The following RABL3 variants were observed in gnomAD, a reference collection of about 807,000 sequenced individuals.
RABL3 encodes rab-like protein 3.
RABL3 carries 31 observed loss-of-function variants against 31.8 expected under a neutral mutation model. The ratio of observed to expected loss-of-function variants is 0.97; its 90% CI spans 0.73 to 1.31. RABL3 has a LOEUF of 1.31. RABL3 is among the 40% of genes most tolerant of loss of function. The probability of loss-of-function intolerance (pLI) is 0.00; values close to 1 mark genes in which losing one functional copy is unlikely to be tolerated. For missense variants in RABL3, 263 were observed against 279.6 expected, an observed-to-expected ratio of 0.94 and a Z score of 0.42; for synonymous variants, 97 against 99.9, an observed-to-expected ratio of 0.97 and a Z score of 0.18.
chr3:120,719,142 A>G (rs1457620553), intron 2 of RABL3, among the ~76,000 whole-genome samples: 1 of 152,244 alleles, frequency 6.6e-6, no homozygotes, highest in Non-Finnish European at 1.5e-5. Flanking sequence ...GCACCCAACA[A>G]TTACAAAATA....
At chr3:120,689,946 T>A (rs1471503354) in intron 7 of RABL3, 58 bp from the exon 8 acceptor site, 3 of 1,357,668 alleles carry the variant, frequency 2.2e-6, no homozygotes, top group Admixed American at 1.8e-5. Context: ...CAAATACTAA[T>A]AGTAATTTTT....
intron 6 of RABL3, among the ~76,000 whole-genome samples, chr3:120,691,768 C>T (rs1336245198): frequency 6.6e-6 from 1 of 152,152 alleles, no homozygotes; most frequent in Non-Finnish European, 1.5e-5. Context: ...AACTCTAAGA[C>T]ATTCAAATCT....
At chr3:120,737,045 G>T (rs1293150403) in intron 1 of RABL3, among the ~76,000 whole-genome samples, 1 of 152,182 alleles carries the variant, frequency 6.6e-6, no homozygotes, top group Admixed American at 6.5e-5. Context: ...GGCGTTCTCT[G>T]TATTTCCTGA....
intron 2 of RABL3, among the ~76,000 whole-genome samples, chr3:120,719,912 T>G (rs1012775630): frequency 1.4e-4 from 21 of 152,064 alleles, no homozygotes; most frequent in Admixed American, 1.4e-3. Context: ...GACCCCCGAG[T>G]AGCCTAACTG....
rs1708344926 is a variant in RABL3, at chr3:120,688,791, T to C, written c.*1032A>G. 6.6e-6 allele frequency: 1 copy of C among 151,826 alleles called. No homozygotes were observed. The highest frequency in any genetic ancestry group is 6.6e-5 in the Admixed American group (1 of 15,236). 9.4% of individuals were successfully genotyped at this position (151,826 alleles called of 1,614,324 possible). ...GTTAAAAAAAGTAATGATGAACAATTACGGACACACACACACACACACACC... is the reference window on the plus strand; with the variant it reads ...GTTAAAAAAAGTAATGATGAACAATCACGGACACACACACACACACACACC... On this transcript the variant is annotated 3_prime_UTR_variant, in exon 8 of 8. Coordinates refer to ENST00000273375, the MANE Select transcript of RABL3 (RefSeq NM_173825.5).
chr3:120,725,956 T>G (rs1708814672), intron 2 of RABL3, among the ~76,000 whole-genome samples: 1 of 151,866 alleles, frequency 6.6e-6, no homozygotes, highest in African/African-American at 2.4e-5. Context: ...ATAAAAAAAT[T>G]AAAGAAAAAA....
intron 2 of RABL3, among the ~76,000 whole-genome samples, chr3:120,714,997 AG>A (rs1448293510): frequency 6.6e-6 from 1 of 152,184 alleles, no homozygotes; most frequent in African/African-American, 2.4e-5. Context: ...TTTCATTTCC[AG>A]GACAGCTCCA....
At chr3:120,739,152 G>T (rs1316194204) in intron 1 of RABL3, among the ~76,000 whole-genome samples, 2 of 152,200 alleles carry the variant, frequency 1.3e-5, no homozygotes, top group African/African-American at 2.4e-5. Context: ...GCTGAGGCAG[G>T]CAGATCACGA....
In RABL3 at chr3:120,716,629, A is replaced by T. The variant is rs528178564; in HGVS notation, c.139-6720T>A. Among the ~76,000 whole-genome samples, 116 of 145,762 alleles carry T rather than the reference A, an allele frequency of 8.0e-4. 1 individual carries two copies. Among genetic ancestry groups the T allele is most frequent in the African/African-American group, 3.1e-3 (112 of 36,364 alleles). The stretch of plus-strand genomic sequence containing the variant: ...TTAAAGTATAATAATAATAAAATTA[A>T]AAAAAAAAGAAAAAAAAAGAGGCAA... On this transcript the variant is annotated intron_variant, in intron 2 of 7. Transcript: ENST00000273375.
chr3:120,740,204 C>T (rs984413292), intron 1 of RABL3, among the ~76,000 whole-genome samples: 2 of 152,128 alleles, frequency 1.3e-5, no homozygotes, highest in African/African-American at 4.8e-5. Context: ...GGGTTCCTTA[C>T]CAAATTACCA....
intron 1 of RABL3, among the ~76,000 whole-genome samples, chr3:120,739,100 C>G (rs1280108857): frequency 6.6e-6 from 1 of 152,178 alleles, no homozygotes; most frequent in Non-Finnish European, 1.5e-5. Flanking sequence ...ACATCTTGGC[C>G]AGGTGCGTTG....
chr3:120,704,392 C>A (rs1045670827), intron 4 of RABL3, among the ~76,000 whole-genome samples: 1 of 152,122 alleles, frequency 6.6e-6, no homozygotes, highest in Non-Finnish European at 1.5e-5. Context: ...ACAAAACTAT[C>A]AGCAAATTAG....
At chr3:120,738,887 A>G (rs1212240270) in intron 1 of RABL3, among the ~76,000 whole-genome samples, 1 of 152,198 alleles carries the variant, frequency 6.6e-6, no homozygotes, top group Non-Finnish European at 1.5e-5. Context: ...TAAAATTAAA[A>G]TTATGTCCTT....
rs1039062311 is a variant in RABL3, at chr3:120,708,213, GT to G, written c.268+1566del. ...AGAAATAGGTTTTTCAATAAATGCAGTTTTTTTTTTTTACTTTTAAGAAATG... is the reference window on the plus strand; with the variant it reads ...AGAAATAGGTTTTTCAATAAATGCAGTTTTTTTTTTTACTTTTAAGAAATG... On this transcript the variant is annotated intron_variant, in intron 3 of 7. Transcript: ENST00000273375. 5.2e-3 allele frequency among the ~76,000 whole-genome samples: 754 copies of G among 144,878 alleles called. 8 individuals carry two copies. The highest frequency in any genetic ancestry group is 0.016 in the African/African-American group (652 of 39,896).
chr3:120,706,690 T>C (rs748396668), intron 3 of RABL3, among the ~76,000 whole-genome samples: 3 of 151,740 alleles, frequency 2.0e-5, no homozygotes, highest in African/African-American at 4.8e-5. Context: ...TCTAATTTTC[T>C]AGTTCTTTGA....
At chr3:120,740,230 T>C (rs1388536215) in intron 1 of RABL3, among the ~76,000 whole-genome samples, 1 of 152,234 alleles carries the variant, frequency 6.6e-6, no homozygotes, top group Non-Finnish European at 1.5e-5. Flanking sequence ...CTCAATAGGA[T>C]AAAAACAAAT....
intron 2 of RABL3, among the ~76,000 whole-genome samples, chr3:120,714,094 G>A (rs192580726): frequency 4.3e-4 from 66 of 152,320 alleles, no homozygotes; most frequent in African/African-American, 1.5e-3. Context: ...ACAGGCGTAA[G>A]CCACCGCGCC....
chr3:120,709,239 A>G (rs1381302869), intron 3 of RABL3, among the ~76,000 whole-genome samples: 2 of 152,072 alleles, frequency 1.3e-5, no homozygotes, highest in African/African-American at 2.4e-5. Context: ...ATTATGTCGT[A>G]TATTACACAG....
chr3:120,706,827 T>C (rs1016432260), intron 3 of RABL3, among the ~76,000 whole-genome samples: 33 of 152,108 alleles, frequency 2.2e-4, no homozygotes, highest in Admixed American at 6.6e-5. Flanking sequence ...AGAAAGTACA[T>C]GCACGGATTT....
Sources: gnomAD v4.1 joint callset for allele counts (sites outside exome capture counted in the v4.1 genomes callset) on GRCh38, gnomAD v4.1.1 for gene constraint, MANE v1.5 for transcripts, NCBI Gene and HGNC (gene_info 2026-07-23, HGNC 2026-07-21) for gene names.